Variants in FNBP4 observed in about 807,000 individuals in gnomAD.
FNBP4 encodes formin-binding protein 4.
FNBP4 carries 34 observed loss-of-function variants against 119.3 expected under a neutral mutation model. The observed-to-expected ratio is 0.28, with a 90% CI of 0.22 to 0.38. The LOEUF is 0.38. Ranked by LOEUF, FNBP4 falls within the 10% of genes least tolerant of loss-of-function variation. FNBP4 has a pLI of 1.00. For missense variants in FNBP4, 1,112 were observed against 1,228.9 expected (o/e 0.90, Z 1.42); for synonymous variants, 462 against 430.6 (o/e 1.07, Z -0.90).
chr11:47,752,775 G>A, intron 4 of FNBP4, 141 bp downstream of exon 4: 2 of 733,102 alleles, frequency 2.7e-6, no homozygotes, highest in Non-Finnish European at 4.4e-6. Context: ...GATCGCGCCA[G>A]TGCACTCCAG....
chr11:47,745,104 G>C (rs940311801), intron 7 of FNBP4, among the ~76,000 whole-genome samples: 2 of 152,164 alleles, frequency 1.3e-5, no homozygotes, highest in Non-Finnish European at 2.9e-5. Context: ...CAGGACCACT[G>C]TGATAATTGT....
chr11:47,758,348 C>A (rs1030291210), intron 2 of FNBP4, among the ~76,000 whole-genome samples: 2 of 152,182 alleles, frequency 1.3e-5, no homozygotes, highest in Admixed American at 6.6e-5. Flanking sequence ...GTAGCTAGGA[C>A]TACAGGCCTA....
chr11:47,754,403 A>G (rs1246712751), intron 3 of FNBP4, 125 bp downstream of exon 3: 6 of 889,660 alleles, frequency 6.7e-6, no homozygotes, highest in African/African-American at 1.7e-5. Flanking sequence ...GAAATACAAG[A>G]GAGTGTTGGA....
At chr11:47,741,938 G>A (rs1349625923) in intron 8 of FNBP4, among the ~76,000 whole-genome samples, 1 of 151,716 alleles carries the variant, frequency 6.6e-6, no homozygotes, top group Non-Finnish European at 1.5e-5. Flanking sequence ...AGTGAAACAT[G>A]GACACAATTT....
At chr11:47,759,863 G>A (rs1696699891) in intron 2 of FNBP4, among the ~76,000 whole-genome samples, 1 of 152,144 alleles carries the variant, frequency 6.6e-6, no homozygotes, top group African/African-American at 2.4e-5. Flanking sequence ...TGAGGCAGGA[G>A]AATCACTTGA....
intron 7 of FNBP4, 107 bp downstream of exon 7, chr11:47,745,948 TG>T: frequency 1.0e-6 from 1 of 971,260 alleles, no homozygotes; most frequent in Non-Finnish European, 1.5e-6. Context: ...ACCTAGATGA[TG>T]GGATAAGAAA....
chr11:47,754,702 T>C, intron 2 of FNBP4, 38 bp from the exon 3 acceptor site: 8 of 1,606,030 alleles, frequency 5.0e-6, no homozygotes, highest in East Asian at 2.2e-5. Flanking sequence ...GTAACAACAA[T>C]GTCAATATGT....
At position 47,767,079 on chromosome 11, in the gene FNBP4, C is replaced by G. The variant is rs374040960; in HGVS notation, c.210G>C (p.Ser70=). 7 of 1,530,672 alleles carry G rather than the reference C, an allele frequency of 4.6e-6. No homozygotes were observed. 94.8% of individuals were successfully genotyped at this position (1,530,672 alleles called of 1,614,324 possible). ...CCCGCGCACCCTTGCCTTCTGAAGG[C>G]GAGTCGTCCGAGGCCGCGGCGGCAG... The part of the protein sequence containing the change: ...AVTAAAASDD[S]PSEDEQEAVQ... Residue 70 remains serine, a synonymous_variant, in exon 1 of 17, where the codon TCG becomes TCC. Transcript: ENST00000263773.
At chr11:47,730,913 A>G (rs575235605) in intron 12 of FNBP4, among the ~76,000 whole-genome samples, 44 of 152,336 alleles carry the variant, frequency 2.9e-4, no homozygotes, top group Non-Finnish European at 4.9e-4. Context: ...GCATTTCTTC[A>G]TATCATTTTG....
Position 47,752,954 on chromosome 11 carries a change from G to C in FNBP4, c.599C>G (p.Ser200Cys), listed in dbSNP as rs762523336. ...ACACTGAGTATCATATTGCCAACCA[G>C]ATGTTTGGGTGGAGTCTGTTCCATT... ...TSNGTDSTQT[S>C]GWQYDTQCSL... is the part of the protein sequence containing the mutation. Residue 200 changes from serine (S) to cysteine (C), a missense_variant, in exon 4 of 17, where the codon TCT (serine) becomes TGT (cysteine). Physicochemically the swap from Ser to Cys is moderately radical, Grantham distance 112. Coordinates refer to ENST00000263773, the MANE Select transcript of FNBP4 (RefSeq NM_015308.5). 12 of 1,613,736 alleles carry C rather than the reference G, an allele frequency of 7.4e-6. No individual in the cohort carries two copies. The highest frequency in any genetic ancestry group is 8.5e-6 in the Non-Finnish European group (10 of 1,179,860).
intron 2 of FNBP4, among the ~76,000 whole-genome samples, chr11:47,760,268 T>C (rs1002736763): frequency 2.6e-4 from 39 of 151,140 alleles, no homozygotes; most frequent in African/African-American, 9.0e-4. Flanking sequence ...CATTTTTTTT[T>C]TTTTTTTTTT....
intron 4 of FNBP4, chr11:47,752,684 T>A (rs942141866): frequency 2.2e-5 from 9 of 409,176 alleles, no homozygotes; most frequent in Non-Finnish European, 4.0e-5. Flanking sequence ...CATGGCAGTG[T>A]GCGCCTGTAG....
chr11:47,755,635 C>CA (rs11341984), intron 2 of FNBP4, among the ~76,000 whole-genome samples: 15,111 of 128,570 alleles, frequency 0.12, 2,152 homozygotes, highest in African/African-American at 0.36. Context: ...AAAACAAAAA[C>CA]AAAAAAAAAA....
intron 1 of FNBP4, 132 bp from the exon 2 acceptor site, chr11:47,765,494 T>G (rs558767641): frequency 1.6e-4 from 84 of 518,836 alleles, no homozygotes; most frequent in African/African-American, 1.6e-3. Flanking sequence ...CAGCTCTAGA[T>G]TCCATCAATT....
chr11:47,752,826 C>A (rs1381269879), intron 4 of FNBP4, 90 bp downstream of exon 4: 2 of 1,252,050 alleles, frequency 1.6e-6, no homozygotes, highest in Non-Finnish European at 2.3e-6. Context: ...AACAAACAAA[C>A]AAACAAACAA....
intron 1 of FNBP4, among the ~76,000 whole-genome samples, chr11:47,766,089 G>GTAA (rs1325251891): frequency 9.2e-5 from 14 of 152,174 alleles, no homozygotes; most frequent in African/African-American, 3.1e-4. Context: ...GCTCTCGCCT[G>GTAA]TAATGATCGC....
intron 15 of FNBP4, 83 bp downstream of exon 15, chr11:47,722,892 GA>G: frequency 7.1e-7 from 1 of 1,400,958 alleles, no homozygotes; most frequent in South Asian, 1.6e-5. Context: ...TGCCCAGCCT[GA>G]AAATGGATAA....
At position 47,731,533 on chromosome 11, in the gene FNBP4, C is replaced by T. The variant is rs776008158; in HGVS notation, c.1849G>A (p.Glu617Lys). The change falls in exon 12 of 17, where the codon GAA (glutamate) becomes AAA (lysine). Residue 617 changes from glutamate (E) to lysine (K), a missense_variant. Physicochemically the swap from Glu to Lys is moderately conservative, Grantham distance 56 (BLOSUM62 1). Around this residue, in one of 2 missense-constraint regions of FNBP4, gnomAD observed 826 missense variants for 988.8 expected, o/e 0.84. Transcript: ENST00000263773. ...TCCCACTGAGACTCGCCCGACTGTT[C>T]GTTTACATAGAAATACCGTCTATGA... is the stretch of plus-strand genomic sequence containing the variant. Reference protein sequence around the residue: ...RDHRRYFYVNEQSGESQWEFP... With the variant: ...RDHRRYFYVNKQSGESQWEFP... 8.7e-6 allele frequency: 14 copies of T among 1,611,114 alleles called. No homozygotes were observed. Among genetic ancestry groups the T allele is most frequent in the African/African-American group, 2.7e-5 (2 of 74,578 alleles).
chr11:47,722,261 T>C (rs1462729522), intron 15 of FNBP4, among the ~76,000 whole-genome samples: 3 of 151,916 alleles, frequency 2.0e-5, no homozygotes, highest in Non-Finnish European at 2.9e-5. Flanking sequence ...TTCTTTTTTT[T>C]TTTTAAGACA....
Sources: allele counts gnomAD v4.1 joint callset (sites outside exome capture counted in the v4.1 genomes callset), GRCh38; gene constraint gnomAD v4.1.1; regional missense constraint gnomAD v4.1.1; transcripts MANE v1.5; gene names NCBI Gene and HGNC (gene_info 2026-07-23, HGNC 2026-07-21).